The following TNFSF11 variants were observed in gnomAD, a reference collection of about 807,000 sequenced individuals.
The protein encoded by TNFSF11 is tumor necrosis factor ligand superfamily member 11.
A neutral mutation model predicts 32.2 loss-of-function variants in TNFSF11; 12 were observed. That is an observed-to-expected ratio of 0.37 (90% CI 0.24 to 0.60). The LOEUF is 0.60. TNFSF11 is among the 20% of genes least tolerant of loss of function. TNFSF11 has a pLI of 0.66. For missense variants in TNFSF11, 345 were observed against 398.0 expected, an observed-to-expected ratio of 0.87 and a Z score of 1.13; for synonymous variants, 172 against 152.1, an observed-to-expected ratio of 1.13 and a Z score of -0.96.
In TNFSF11 at chr13:42,575,494, A is replaced by G. The variant is rs1045337096; in HGVS notation, c.219+972A>G. Among the ~76,000 whole-genome samples, 4 of 152,102 alleles carry G rather than the reference A, an allele frequency of 2.6e-5. No homozygotes were observed. The East Asian group carries it at 7.7e-4, about 29-fold the overall frequency. ...GACTGTGCATTTTTTTTTATGGGAA[A>G]AGAAAGTTGGGTTTGGACTACATTC... On this transcript the variant is annotated intron_variant, in intron 1 of 4. Coordinates refer to ENST00000398795, the MANE Select transcript of TNFSF11 (RefSeq NM_003701.4).
chr13:42,568,316 G>GT (rs1872940981), intron 2 of TNFSF11, among the ~76,000 whole-genome samples: 1 of 152,144 alleles, frequency 6.6e-6, no homozygotes, highest in Non-Finnish European at 1.5e-5. Context: ...CTTGCTTTAG[G>GT]TTTTTTCCAG....
At chr13:42,606,383 C>T in intron 4 of TNFSF11, 114 bp from the exon 5 acceptor site, 1 of 1,261,522 alleles carries the variant, frequency 7.9e-7, no homozygotes, top group Non-Finnish European at 1.1e-6. Flanking sequence ...AAGTTATTCT[C>T]CCTTTGAAAT....
In TNFSF11 at chr13:42,607,683, G is replaced by T. The variant is rs1869540423; in HGVS notation, c.*765G>T. ...AAGCCTGTGCAAAAAAATTAAAATG[G>T]ATGCCTTGAATAATAAGCAGGATGT... is the stretch of plus-strand genomic sequence containing the variant. On this transcript the variant is annotated 3_prime_UTR_variant, in exon 5 of 5. Transcript: ENST00000398795. The T allele has an allele frequency of 6.5e-6, 1 of 152,702 alleles. No individual in the cohort carries two copies. The highest frequency in any genetic ancestry group is 1.5e-5 in the Non-Finnish European group (1 of 68,020). The allele number at this position is 152,702 out of a possible 1,614,324, so 9.5% of individuals were successfully genotyped here.
At chr13:42,568,216 T>C (rs918842599) in intron 2 of TNFSF11, among the ~76,000 whole-genome samples, 1 of 152,254 alleles carries the variant, frequency 6.6e-6, no homozygotes, top group Non-Finnish European at 1.5e-5. Context: ...TCATGAATAT[T>C]CATAGCTCTT....
chr13:42,581,325 G>T, intron 2 of TNFSF11, 32 bp downstream of exon 2: 1 of 1,612,732 alleles, frequency 6.2e-7, no homozygotes, highest in Non-Finnish European at 8.5e-7. Flanking sequence ...TAAGTCAAGG[G>T]CCCTTGCTGA....
intron 2 of TNFSF11, among the ~76,000 whole-genome samples, chr13:42,583,417 T>TAAAAAAAAAAAAA (rs71747752): frequency 5.3e-4 from 13 of 24,476 alleles, no homozygotes; most frequent in African/African-American, 7.7e-4. Flanking sequence ...AAGACCCTGC[T>TAAAAAAAAAAAAA]AAAAAAAAAA....
chr13:42,570,385 A>C (rs1398629181), upstream of TNFSF11, among the ~76,000 whole-genome samples: 1 of 152,214 alleles, frequency 6.6e-6, no homozygotes, highest in Non-Finnish European at 1.5e-5. Flanking sequence ...AACATGAACC[A>C]ATCAATTTTC....
intron 4 of TNFSF11, among the ~76,000 whole-genome samples, chr13:42,601,325 C>T (rs886452736): frequency 2.0e-5 from 3 of 152,180 alleles, no homozygotes; most frequent in South Asian, 2.1e-4. Flanking sequence ...CTGCTGACCT[C>T]AGAGGTGAAT....
chr13:42,591,777 C>A (rs971935221), intron 2 of TNFSF11, among the ~76,000 whole-genome samples: 1 of 152,178 alleles, frequency 6.6e-6, no homozygotes, highest in Non-Finnish European at 1.5e-5. Context: ...ACCCAGTGGC[C>A]ACTCTTTCTG....
At chr13:42,563,443 A>G (rs1419778432) in intron 1 of TNFSF11, among the ~76,000 whole-genome samples, 3 of 152,188 alleles carry the variant, frequency 2.0e-5, no homozygotes, top group Admixed American at 6.5e-5. Context: ...CGGGTGGATT[A>G]CTTGAGGTCA....
At chr13:42,583,763 G>A (rs116156328) in intron 2 of TNFSF11, among the ~76,000 whole-genome samples, 2,592 of 152,184 alleles carry the variant, frequency 0.017, 90 homozygotes, top group African/African-American at 0.059. Context: ...TCAGGAACAT[G>A]ACCAAGATGC....
intron 4 of TNFSF11, among the ~76,000 whole-genome samples, chr13:42,604,966 G>A (rs993857621): frequency 3.3e-5 from 5 of 152,028 alleles, no homozygotes; most frequent in African/African-American, 1.2e-4. Flanking sequence ...TGTATTTTTA[G>A]TAGAGATGGG....
At chr13:42,563,757 T>G (rs1872768945) in intron 1 of TNFSF11, among the ~76,000 whole-genome samples, 1 of 152,156 alleles carries the variant, frequency 6.6e-6, no homozygotes, top group African/African-American at 2.4e-5. Flanking sequence ...GGTTTTAAGG[T>G]TTTTTTCTTT....
At chr13:42,592,423 C>T (rs1174381177) in intron 2 of TNFSF11, among the ~76,000 whole-genome samples, 1 of 152,204 alleles carries the variant, frequency 6.6e-6, no homozygotes, top group African/African-American at 2.4e-5. Flanking sequence ...CAATCAGGAT[C>T]CACCCAATGG....
At chr13:42,590,027 G>T (rs899950600) in intron 2 of TNFSF11, among the ~76,000 whole-genome samples, 2 of 152,218 alleles carry the variant, frequency 1.3e-5, no homozygotes, top group Non-Finnish European at 2.9e-5. Context: ...GGGCCCACAC[G>T]GGGCTTCTTG....
At chr13:42,562,801 GTGA>G (rs1329467206) in exon 1 of TNFSF11, 1 of 152,216 alleles carries the variant, frequency 6.6e-6, no homozygotes, top group African/African-American at 2.4e-5. Context: ...GCTGCACGCA[GTGA>G]AAACACAGTT....
intron 2 of TNFSF11, among the ~76,000 whole-genome samples, chr13:42,581,857 A>C (rs1182606729): frequency 6.6e-6 from 1 of 152,212 alleles, no homozygotes; most frequent in Non-Finnish European, 1.5e-5. Flanking sequence ...CTGAGTGACA[A>C]GAGAAGAGTT....
intron 1 of TNFSF11, among the ~76,000 whole-genome samples, chr13:42,578,298 G>A (rs1490736818): frequency 6.6e-6 from 1 of 152,186 alleles, no homozygotes; most frequent in Non-Finnish European, 1.5e-5. Context: ...GTGGGCATTT[G>A]CTGAGGGTCC....
intron 2 of TNFSF11, among the ~76,000 whole-genome samples, chr13:42,590,505 T>C (rs1874116183): frequency 6.6e-6 from 1 of 152,172 alleles, no homozygotes; most frequent in Admixed American, 6.5e-5. Context: ...GTCTCATTCT[T>C]AGGGAGAAGT....
Sources: allele counts gnomAD v4.1 joint callset (sites outside exome capture counted in the v4.1 genomes callset), GRCh38; gene constraint gnomAD v4.1.1; transcripts MANE v1.5; gene names NCBI Gene and HGNC (gene_info 2026-07-23, HGNC 2026-07-21).